Variants in STMN2 observed in about 807,000 individuals in gnomAD.
STMN2 encodes stathmin-2.
A neutral mutation model predicts 24.1 loss-of-function variants in STMN2; 2 were observed. The ratio of observed to expected loss-of-function variants is 0.08; its 90% CI spans 0.03 to 0.26. STMN2 has a LOEUF of 0.26. STMN2 is among the 10% of genes least tolerant of loss of function. The probability of loss-of-function intolerance (pLI) is 1.00; values close to 1 mark genes in which losing one functional copy is unlikely to be tolerated. For synonymous variants in STMN2, 83 were observed against 77.5 expected (o/e 1.07, Z -0.37); for missense variants, 114 against 213.6 (o/e 0.53, Z 2.91).
intron 3 of STMN2, among the ~76,000 whole-genome samples, chr8:79,647,110 G>A (rs978843984): frequency 2.0e-5 from 3 of 152,202 alleles, no homozygotes; most frequent in South Asian, 4.2e-4. Flanking sequence ...CAACATTTTC[G>A]TTGCCCTGGA....
chr8:79,633,382 G>C (rs768216046), intron 1 of STMN2, among the ~76,000 whole-genome samples: 4 of 152,200 alleles, frequency 2.6e-5, no homozygotes, highest in Admixed American at 6.5e-5. Flanking sequence ...ACCACCCACA[G>C]AGGTTAACTG....
chr8:79,646,000 T>G (rs1810209469), intron 3 of STMN2, among the ~76,000 whole-genome samples: 1 of 152,206 alleles, frequency 6.6e-6, no homozygotes, highest in African/African-American at 2.4e-5. Flanking sequence ...TGTAAACATT[T>G]TTTTTCTTTC....
chr8:79,644,116 AAG>A (rs1810169143), intron 3 of STMN2, among the ~76,000 whole-genome samples: 1 of 152,322 alleles, frequency 6.6e-6, no homozygotes, highest in South Asian at 2.1e-4. Flanking sequence ...ATTATCTTTA[AAG>A]AGTCTTTAGC....
chr8:79,635,542 G>T (rs4739864), intron 1 of STMN2, among the ~76,000 whole-genome samples: 52,682 of 152,026 alleles, frequency 0.35, 9,269 homozygotes, highest in South Asian at 0.41. Flanking sequence ...AAAGAAAATG[G>T]GGTAAATATA....
intron 2 of STMN2, among the ~76,000 whole-genome samples, chr8:79,639,472 T>C (rs1810043035): frequency 6.6e-6 from 1 of 152,240 alleles, no homozygotes; most frequent in Non-Finnish European, 1.5e-5. Flanking sequence ...AATTGAGGGC[T>C]GACCAGCGAG....
intron 4 of STMN2, among the ~76,000 whole-genome samples, chr8:79,660,678 G>T (rs1806482694): frequency 6.6e-6 from 1 of 151,910 alleles, no homozygotes; most frequent in Admixed American, 6.6e-5. Context: ...AATAGTCTTG[G>T]GGATACAGGT....
At chr8:79,616,827 G>A (rs879805065) in intron 1 of STMN2, among the ~76,000 whole-genome samples, 3 of 151,998 alleles carry the variant, frequency 2.0e-5, no homozygotes, top group African/African-American at 4.8e-5. Context: ...TGCAGGACTC[G>A]GCAGAAGACC....
chr8:79,633,277 C>A (rs1809858832), intron 1 of STMN2, among the ~76,000 whole-genome samples: 1 of 152,200 alleles, frequency 6.6e-6, no homozygotes. Flanking sequence ...CAATGAGAAT[C>A]TCTGCAATGG....
intron 4 of STMN2, among the ~76,000 whole-genome samples, chr8:79,661,349 T>C (rs555970658): frequency 6.6e-6 from 1 of 152,214 alleles, no homozygotes; most frequent in South Asian, 2.1e-4. Context: ...AAGGTGGTAT[T>C]TCATTGTGGT....
chr8:79,627,765 T>C (rs1344109357), intron 1 of STMN2, among the ~76,000 whole-genome samples: 1 of 152,142 alleles, frequency 6.6e-6, no homozygotes, highest in Non-Finnish European at 1.5e-5. Flanking sequence ...TTTACCAATA[T>C]CTCTCCATTC....
intron 2 of STMN2, among the ~76,000 whole-genome samples, chr8:79,639,340 C>T (rs1810040316): frequency 1.3e-5 from 2 of 152,138 alleles, no homozygotes; most frequent in Non-Finnish European, 1.5e-5. Flanking sequence ...TTTTCAAATA[C>T]TTGAAAAATG....
intron 4 of STMN2, among the ~76,000 whole-genome samples, chr8:79,658,859 G>A (rs1169453426): frequency 1.3e-5 from 2 of 152,168 alleles, no homozygotes; most frequent in Non-Finnish European, 2.9e-5. Flanking sequence ...AAAGCCTAAA[G>A]CAAAAGCAGC....
chr8:79,613,434 C>A (rs1289126632), intron 1 of STMN2: 11 of 985,344 alleles, frequency 1.1e-5, no homozygotes, highest in African/African-American at 3.5e-5. Flanking sequence ...CCGGTTTCTG[C>A]GCAGTGTCCT....
chr8:79,646,958 A>T (rs1180496819), intron 3 of STMN2, among the ~76,000 whole-genome samples: 2 of 152,132 alleles, frequency 1.3e-5, no homozygotes, highest in South Asian at 2.1e-4. Flanking sequence ...GTGGATTTGG[A>T]TAGGGAGTTG....
At chr8:79,631,345 C>T in intron 1 of STMN2, 1 of 735,434 alleles carries the variant, frequency 1.4e-6, no homozygotes, top group Middle Eastern at 7.1e-4. Context: ...ATATCCATTC[C>T]CATAGAAAAA....
intron 1 of STMN2, among the ~76,000 whole-genome samples, chr8:79,614,525 C>A (rs1809336452): frequency 1.3e-5 from 2 of 152,212 alleles, no homozygotes; most frequent in African/African-American, 4.8e-5. Context: ...CTGCAATAAA[C>A]ACTCTCTGTC....
chr8:79,620,941 T>C, intron 1 of STMN2: 2 of 985,180 alleles, frequency 2.0e-6, no homozygotes, highest in Non-Finnish European at 2.4e-6. Context: ...AGAACCACAC[T>C]TGGAGTAGAC....
At chr8:79,621,087 AGT>A in intron 1 of STMN2, 7 of 939,862 alleles carry the variant, frequency 7.4e-6, no homozygotes, top group Non-Finnish European at 8.9e-6. Flanking sequence ...CTTCTCCACC[AGT>A]GCTGCTGGTG....
At chr8:79,649,640 G>A (rs934755305) in intron 3 of STMN2, among the ~76,000 whole-genome samples, 4 of 151,978 alleles carry the variant, frequency 2.6e-5, no homozygotes, top group Non-Finnish European at 5.9e-5. Context: ...TCTGATCAAC[G>A]GTCCTGGATA....
Sources: allele counts gnomAD v4.1 joint callset (sites outside exome capture counted in the v4.1 genomes callset), GRCh38; gene constraint gnomAD v4.1.1; transcripts MANE v1.5; gene names NCBI Gene and HGNC (gene_info 2026-07-23, HGNC 2026-07-21).